Variants in ODAD2 observed in about 807,000 individuals in gnomAD.
The protein encoded by ODAD2 is outer dynein arm docking complex subunit 2.
A neutral mutation model predicts 106.8 loss-of-function variants in ODAD2; 89 were observed. That is an observed-to-expected ratio of 0.83 (90% CI 0.70 to 0.99). The LOEUF is 0.99. ODAD2 is among the 50% of genes least tolerant of loss of function. ODAD2 has a pLI of 0.00. For synonymous variants in ODAD2, 404 were observed against 436.2 expected, an observed-to-expected ratio of 0.93 and a Z score of 0.92; for missense variants, 1,168 against 1,238.5, an observed-to-expected ratio of 0.94 and a Z score of 0.85.
chr10:27,987,112 C>A (rs1364025863), intron 3 of ODAD2, among the ~76,000 whole-genome samples: 1 of 152,230 alleles, frequency 6.6e-6, no homozygotes, highest in Non-Finnish European at 1.5e-5. Flanking sequence ...AGAAGGTTCT[C>A]TTTCAAACCA....
chr10:27,844,604 T>C (rs1367398192), intron 19 of ODAD2, among the ~76,000 whole-genome samples: 20 of 152,338 alleles, frequency 1.3e-4, no homozygotes, highest in Admixed American at 1.3e-3. Flanking sequence ...ATTTAATCTT[T>C]ATGAAACTCA....
chr10:27,982,234 A>G (rs916970441), intron 6 of ODAD2, among the ~76,000 whole-genome samples: 3 of 152,146 alleles, frequency 2.0e-5, no homozygotes, highest in Non-Finnish European at 4.4e-5. Flanking sequence ...GCAGTTTGTT[A>G]TATATAACTG....
At chr10:27,819,183 G>C (rs919712647) in intron 19 of ODAD2, among the ~76,000 whole-genome samples, 4 of 152,144 alleles carry the variant, frequency 2.6e-5, no homozygotes, top group Non-Finnish European at 4.4e-5. Context: ...TGTGTGGGAG[G>C]GAAGAGTGGA....
intron 17 of ODAD2, among the ~76,000 whole-genome samples, chr10:27,885,586 A>C: frequency 1.3e-5 from 1 of 79,232 alleles, no homozygotes; most frequent in East Asian, 3.1e-4. Flanking sequence ...ATAAATATAT[A>C]AATATAAATA....
chr10:27,885,681 A>AAAATATATT (rs1564466026), intron 17 of ODAD2, among the ~76,000 whole-genome samples: 2 of 13,550 alleles, frequency 1.5e-4, no homozygotes, highest in Non-Finnish European at 3.9e-4. Context: ...AAATATATAT[A>AAAATATATT]ATATATAATA....
At chr10:27,881,206 C>A (rs1322316610) in intron 17 of ODAD2, among the ~76,000 whole-genome samples, 1 of 151,924 alleles carries the variant, frequency 6.6e-6, no homozygotes, top group Non-Finnish European at 1.5e-5. Flanking sequence ...TATGTGTTAC[C>A]AATAGTTTAC....
At chr10:27,928,164 T>C (rs962046632) in intron 16 of ODAD2, among the ~76,000 whole-genome samples, 8 of 151,932 alleles carry the variant, frequency 5.3e-5, no homozygotes, top group Non-Finnish European at 1.0e-4. Flanking sequence ...TGACTTTGTC[T>C]CTCCTCTCAT....
At chr10:27,818,369 A>T (rs1169568234) in intron 19 of ODAD2, among the ~76,000 whole-genome samples, 1 of 152,016 alleles carries the variant, frequency 6.6e-6, no homozygotes, top group Non-Finnish European at 1.5e-5. Flanking sequence ...CCTTCTCCCA[A>T]GTAGATGATT....
chr10:27,885,477 T>G (rs1486077503), intron 17 of ODAD2, among the ~76,000 whole-genome samples: 1 of 114,262 alleles, frequency 8.8e-6, no homozygotes, highest in African/African-American at 3.6e-5. Context: ...ACCACTGCAC[T>G]TCAGGCTGGG....
At chr10:27,835,773 A>G (rs1415597486) in intron 19 of ODAD2, among the ~76,000 whole-genome samples, 1 of 152,126 alleles carries the variant, frequency 6.6e-6, no homozygotes. Flanking sequence ...AAAAATACAA[A>G]AATTAGCTGG....
chr10:27,875,458 G>A (rs964259799), intron 17 of ODAD2, among the ~76,000 whole-genome samples: 1 of 152,144 alleles, frequency 6.6e-6, no homozygotes, highest in African/African-American at 2.4e-5. Context: ...CAGCTTTTCT[G>A]CTCTGTTTTT....
In ODAD2 at chr10:27,939,791, G is replaced by T. The variant is rs138815698; in HGVS notation, c.2097+106C>A. 1,756 of 505,616 alleles carry T rather than the reference G, an allele frequency of 3.5e-3. 70 individuals carry two copies. In the East Asian group the frequency reaches 0.06, roughly 17 times the overall value. The allele number at this position is 505,616 out of a possible 1,614,324, so 31.3% of individuals were successfully genotyped here. On this transcript the variant is annotated intron_variant, in intron 14 of 19. Transcript: ENST00000305242. ...AAAAAATCAAATAAATAAATAAAAT[G>T]CAGATTCCTGAGTCCCATTCTCACA...
chr10:27,994,714 T>A (rs1212428566), intron 2 of ODAD2, among the ~76,000 whole-genome samples: 1 of 152,180 alleles, frequency 6.6e-6, no homozygotes, highest in Non-Finnish European at 1.5e-5. Context: ...TTGTTTAATT[T>A]GAAAAATTTA....
At chr10:27,979,205 G>A (rs1158225979) in intron 7 of ODAD2, among the ~76,000 whole-genome samples, 1 of 137,136 alleles carries the variant, frequency 7.3e-6, no homozygotes, top group Admixed American at 7.8e-5. Flanking sequence ...CTGGGTGACA[G>A]AGTGAGATGG....
At chr10:27,851,488 G>A (rs563046726) in intron 19 of ODAD2, among the ~76,000 whole-genome samples, 5 of 151,910 alleles carry the variant, frequency 3.3e-5, no homozygotes, top group Non-Finnish European at 5.9e-5. Flanking sequence ...ATGTCAAGTA[G>A]AGACACGAAA....
chr10:27,885,407 G>A (rs1348506960), intron 17 of ODAD2, among the ~76,000 whole-genome samples: 2 of 143,730 alleles, frequency 1.4e-5, no homozygotes, highest in Non-Finnish European at 3.0e-5. Flanking sequence ...CTACGTGGGA[G>A]GCTGAGGCAG....
At chr10:27,979,544 A>G (rs560545603) in intron 7 of ODAD2, among the ~76,000 whole-genome samples, 1 of 152,156 alleles carries the variant, frequency 6.6e-6, no homozygotes, top group South Asian at 2.1e-4. Flanking sequence ...ATCTGATTTG[A>G]TCACTCAAAA....
intron 10 of ODAD2, among the ~76,000 whole-genome samples, chr10:27,945,410 C>T (rs192907288): frequency 1.3e-5 from 2 of 152,306 alleles, no homozygotes; most frequent in African/African-American, 4.8e-5. Flanking sequence ...GGAAGCAGCA[C>T]CGCAATCCAT....
At chr10:27,952,068 C>A (rs1342869356) in intron 10 of ODAD2, among the ~76,000 whole-genome samples, 2 of 48,854 alleles carry the variant, frequency 4.1e-5, no homozygotes, top group Admixed American at 2.5e-4. Context: ...GACTGAGATG[C>A]CAACTCAAAA....
Sources: allele counts gnomAD v4.1 joint callset (sites outside exome capture counted in the v4.1 genomes callset), GRCh38; gene constraint gnomAD v4.1.1; transcripts MANE v1.5; gene names NCBI Gene and HGNC (gene_info 2026-07-23, HGNC 2026-07-21).